The following CPM variants were observed in gnomAD, a reference collection of about 807,000 sequenced individuals.
The protein encoded by CPM is carboxypeptidase M.
A neutral mutation model predicts 46.4 loss-of-function variants in CPM; 35 were observed. The observed-to-expected ratio is 0.75, with a 90% CI of 0.58 to 1.00. The LOEUF (loss-of-function observed/expected upper bound fraction) is 1.00. Ranked by LOEUF, CPM falls within the 50% of genes least tolerant of loss-of-function variation. The pLI is 0.00. For synonymous variants in CPM, 195 were observed against 195.3 expected (o/e 1.00, Z 0.01); for missense variants, 422 against 530.4 (o/e 0.80, Z 2.01).
chr12:68,869,035 C>T (rs1270323060), intron 6 of CPM, among the ~76,000 whole-genome samples: 3 of 152,196 alleles, frequency 2.0e-5, no homozygotes, highest in African/African-American at 7.2e-5. Context: ...CCCTATTCAA[C>T]TCCAGGGTGA....
chr12:68,939,899 A>G (rs542732498), intron 1 of CPM, among the ~76,000 whole-genome samples: 3 of 152,216 alleles, frequency 2.0e-5, no homozygotes, highest in South Asian at 4.1e-4. Flanking sequence ...AATGTGACTG[A>G]ACATTTCTCT....
In CPM at chr12:68,856,613, T is replaced by G. The variant is rs1366655950; in HGVS notation, c.1156A>C (p.Ser386Arg). Residue 386 changes from serine to arginine, a missense_variant, in exon 9 of 9, where the codon AGT becomes CGT. Coordinates refer to ENST00000551568, the MANE Select transcript of CPM (RefSeq NM_198320.5). Reference protein sequence around the residue: ...VIIPEKSQNFSALKKDILLPF... With the variant: ...VIIPEKSQNFRALKKDILLPF... ...AGTAGAATATCCTTTTTAAGAGCAC[T>G]GAAGTTCTGGGATTTCTCCGGAATA... 1.8e-5 allele frequency: 29 copies of G among 1,614,116 alleles called. No homozygotes were observed. The highest frequency in any genetic ancestry group is 2.4e-5 in the Non-Finnish European group (28 of 1,180,024).
intron 1 of CPM, 28 bp from the exon 2 acceptor site, chr12:68,932,868 CTGAGAACACA>C: frequency 6.2e-7 from 1 of 1,609,932 alleles, no homozygotes; most frequent in Non-Finnish European, 8.5e-7. Context: ...TAAGAAGAAC[CTGAGAACACA>C]TGAGGGCAGG....
chr12:68,864,182 T>C (rs1885329940), intron 7 of CPM, among the ~76,000 whole-genome samples: 1 of 152,230 alleles, frequency 6.6e-6, no homozygotes, highest in African/African-American at 2.4e-5. Flanking sequence ...TGGTGGCTCA[T>C]GCCTGTAATC....
chr12:68,889,576 C>T (rs1354806397), intron 2 of CPM, among the ~76,000 whole-genome samples: 6 of 152,094 alleles, frequency 3.9e-5, no homozygotes, highest in African/African-American at 9.7e-5. Flanking sequence ...TGCCTGTAAT[C>T]CCAGCACTTT....
At chr12:68,887,006 G>A (rs1886465168) in intron 2 of CPM, among the ~76,000 whole-genome samples, 1 of 152,048 alleles carries the variant, frequency 6.6e-6, no homozygotes, top group African/African-American at 2.4e-5. Flanking sequence ...ATTAAGTAAA[G>A]GGCTTATGAT....
intron 2 of CPM, among the ~76,000 whole-genome samples, chr12:68,889,238 C>T (rs1025521702): frequency 6.6e-6 from 1 of 152,148 alleles, no homozygotes; most frequent in South Asian, 2.1e-4. Flanking sequence ...TATACATAAT[C>T]GTGAACATGT....
intron 2 of CPM, among the ~76,000 whole-genome samples, chr12:68,893,960 C>CT (rs1183887350): frequency 6.6e-6 from 1 of 152,128 alleles, no homozygotes; most frequent in Non-Finnish European, 1.5e-5. Flanking sequence ...GACAAGGAAG[C>CT]TTTACTCAGT....
At position 68,870,210 on chromosome 12, in the gene CPM, C is replaced by T. The variant is rs1232097046; in HGVS notation, c.616+5G>A. 1 of 1,611,812 alleles carries T rather than the reference C, an allele frequency of 6.2e-7. No homozygotes were observed. Among genetic ancestry groups the T allele is most frequent in the South Asian group, 1.1e-5 (1 of 90,660 alleles). ...GAAGCCAGAACTGGACCCGCACCTG[C>T]TTACCTTGAACACCATTATCAAATG... On this transcript the variant is annotated splice_donor_5th_base_variant and intron_variant, in intron 5 of 8. Coordinates refer to ENST00000551568, the MANE Select transcript of CPM (RefSeq NM_198320.5).
intron 1 of CPM, among the ~76,000 whole-genome samples, chr12:68,960,311 A>G (rs1448065473): frequency 6.6e-6 from 1 of 152,248 alleles, no homozygotes; most frequent in East Asian, 1.9e-4. Flanking sequence ...AGGAAACACC[A>G]AGATAAATGG....
intron 1 of CPM, among the ~76,000 whole-genome samples, chr12:68,939,386 A>G (rs1888726431): frequency 6.7e-6 from 1 of 148,750 alleles, no homozygotes. Context: ...TATACATCCT[A>G]TATATATACA....
chr12:68,962,131 C>T (rs1328047078), intron 1 of CPM, among the ~76,000 whole-genome samples: 8 of 147,636 alleles, frequency 5.4e-5, no homozygotes, highest in Admixed American at 1.4e-4. Flanking sequence ...ACCTGGGAGG[C>T]GGAGCTTGCA....
chr12:68,854,416 A>AT lies in CPM; in HGVS notation c.*2020dup, dbSNP rs538804732. On this transcript the variant is annotated 3_prime_UTR_variant, in exon 9 of 9. Coordinates refer to ENST00000551568, the MANE Select transcript of CPM (RefSeq NM_198320.5). ...AGAGAAGGCACACATGGAGAAGATT[A>AT]TAATACAATGTTGTAAATCCAATAG... 2.7e-4 allele frequency: 41 copies of AT among 152,362 alleles called. No homozygotes were observed. The highest frequency in any genetic ancestry group is 8.3e-4 in the South Asian group (4 of 4,830). 9.4% of individuals were successfully genotyped at this position (152,362 alleles called of 1,614,324 possible).
rs1884831219 is a variant in CPM, at chr12:68,853,726, G to A, written c.*2711C>T. ...CACTGGGGATTAAGTAAAAAAAAGA[G>A]AAAGAAGGATGGGAAGGGGAGGGAA... On this transcript the variant is annotated 3_prime_UTR_variant, in exon 9 of 9. Coordinates refer to ENST00000551568, the MANE Select transcript of CPM (RefSeq NM_198320.5). 1.4e-5 allele frequency: 2 copies of A among 147,774 alleles called. No individual in the cohort carries two copies. Among genetic ancestry groups the A allele is most frequent in the South Asian group, 4.4e-4 (2 of 4,554 alleles). The allele number at this position is 147,774 out of a possible 1,614,324, so 9.2% of individuals were successfully genotyped here. A position where few individuals can be genotyped will look rare whatever the true frequency, so the allele number is the denominator to read the frequency against.
chr12:68,855,333 T>C lies in CPM; in HGVS notation c.*1104A>G, dbSNP rs1181167050. On this transcript the variant is annotated 3_prime_UTR_variant, in exon 9 of 9. Coordinates refer to ENST00000551568, the MANE Select transcript of CPM (RefSeq NM_198320.5). ...GTATCTCCACATGATGGGTTGGAGG[T>C]ACCTGTGAGTCACATCCAGGTGGAT... The C allele has an allele frequency of 6.6e-6, 1 of 152,082 alleles. No homozygotes were observed. The highest frequency in any genetic ancestry group is 1.5e-5 in the Non-Finnish European group (1 of 68,096). 9.4% of individuals were successfully genotyped at this position (152,082 alleles called of 1,614,324 possible).
At chr12:68,951,413 C>T (rs1311497735) in intron 1 of CPM, among the ~76,000 whole-genome samples, 1 of 151,912 alleles carries the variant, frequency 6.6e-6, no homozygotes, top group Non-Finnish European at 1.5e-5. Context: ...GTAAGTATTC[C>T]TACAAGGAAA....
intron 2 of CPM, among the ~76,000 whole-genome samples, chr12:68,894,524 TAG>T (rs1246031086): frequency 1.4e-4 from 21 of 152,290 alleles, no homozygotes; most frequent in African/African-American, 4.8e-4. Flanking sequence ...CCTAGTACCC[TAG>T]GCACAGCCCC....
chr12:68,887,702 A>G (rs1182857026), intron 2 of CPM, among the ~76,000 whole-genome samples: 2 of 152,204 alleles, frequency 1.3e-5, no homozygotes, highest in South Asian at 2.1e-4. Flanking sequence ...TTTCTGATCT[A>G]TTGGATAATA....
In CPM at chr12:68,870,242, T is replaced by A; in HGVS notation, c.589A>T (p.Ser197Cys). The A allele has an allele frequency of 6.2e-7, 1 of 1,613,958 alleles. No homozygotes were observed. Among genetic ancestry groups the A allele is most frequent in the Non-Finnish European group, 8.5e-7 (1 of 1,179,940 alleles). ...TGAACACCATTATCAAATGGGTAAC[T>A]GGCCACGAGGGCACCACCATGGAGG... ...ANLHGGALVA[S>C]YPFDNGVQAT... The change falls in exon 5 of 9, where the codon AGT (serine) becomes TGT (cysteine). Residue 197 changes from serine to cysteine, a missense_variant. Physicochemically the swap from Ser to Cys is moderately radical, Grantham distance 112 (BLOSUM62 -1). Coordinates refer to ENST00000551568, the MANE Select transcript of CPM (RefSeq NM_198320.5).
Sources: allele counts gnomAD v4.1 joint callset (sites outside exome capture counted in the v4.1 genomes callset), GRCh38; gene constraint gnomAD v4.1.1; transcripts MANE v1.5; gene names NCBI Gene and HGNC (gene_info 2026-07-23, HGNC 2026-07-21).